Variants in TMEM131L observed in about 807,000 individuals in gnomAD.
TMEM131L encodes the protein transmembrane protein 131-like.
Under a neutral mutation model 192.2 loss-of-function variants are expected in TMEM131L, and 54 were observed. The ratio of observed to expected loss-of-function variants is 0.28; its 90% CI spans 0.23 to 0.35. The LOEUF (loss-of-function observed/expected upper bound fraction) is 0.35, where lower values mean the gene tolerates loss of function less well. TMEM131L is among the 10% of genes least tolerant of loss of function. TMEM131L has a pLI of 1.00. For missense variants in TMEM131L, 1,888 were observed against 1,972.9 expected (o/e 0.96, Z 0.82); for synonymous variants, 701 against 704.9 (o/e 0.99, Z 0.09).
intron 19 of TMEM131L, among the ~76,000 whole-genome samples, chr4:153,595,450 GAATCAAAT>G (rs3068903): frequency 0.27 from 41,198 of 151,668 alleles, 5,888 homozygotes; most frequent in Non-Finnish European, 0.34. Context: ...TAATAAAAAT[GAATCAAAT>G]AATCAAATAC....
intron 25 of TMEM131L, among the ~76,000 whole-genome samples, chr4:153,604,982 C>T (rs1035761579): frequency 2.6e-4 from 39 of 152,162 alleles, no homozygotes; most frequent in African/African-American, 8.2e-4. Flanking sequence ...GGATTATAGG[C>T]GTGAGCCACC....
chr4:153,629,483 C>T (rs540836985), intron 31 of TMEM131L, among the ~76,000 whole-genome samples: 1 of 152,310 alleles, frequency 6.6e-6, no homozygotes, highest in East Asian at 1.9e-4. Context: ...ATAATACTTC[C>T]CGTCATTAAA....
chr4:153,584,903 G>A lies in TMEM131L; in HGVS notation c.1129G>A (p.Ala377Thr). Residue 377 changes from alanine (A) to threonine (T), a missense_variant, in exon 12 of 35, where the codon GCA becomes ACA. Transcript: ENST00000409959. ...KKTTHTPTLK[A>T]CLFSSVAQGY... is the part of the protein sequence containing the mutation. ...AACAACACACACTCCAACACTAAAA[G>A]CATGCCTCTTCTCTTCTGTGGCTCA... is the stretch of plus-strand genomic sequence containing the variant. 5 of 1,613,898 alleles carry A rather than the reference G, an allele frequency of 3.1e-6. No individual in the cohort carries two copies. Among genetic ancestry groups the A allele is most frequent in the Non-Finnish European group, 4.2e-6 (5 of 1,179,802 alleles).
rs529621092 is a variant in TMEM131L at position 153,528,824 on chromosome 4, A to AG, written c.240-21248dup. Among the ~76,000 whole-genome samples the AG allele has an allele frequency of 1.5e-3, 235 of 152,294 alleles. 1 individual carries two copies. The highest frequency in any genetic ancestry group is 0.013 in the South Asian group (63 of 4,820). On this transcript the variant is annotated intron_variant, in intron 3 of 34. Coordinates refer to ENST00000409959, the MANE Select transcript of TMEM131L (RefSeq NM_001131007.2). ...CCCTCCCTCGGAGAGTGTGGGCCAC[A>AG]GATAGGGTAGACTTTGAAACTCAAG...
chr4:153,584,639 A>G (rs1578801225), intron 11 of TMEM131L, among the ~76,000 whole-genome samples, 196 bp from the exon 12 acceptor site: 1 of 152,358 alleles, frequency 6.6e-6, no homozygotes, highest in East Asian at 1.9e-4. Context: ...TTTTAAAAGT[A>G]TGGACTTCTG....
rs529512839 is a variant in TMEM131L, at chr4:153,524,442, G to A, written c.240-25631G>A. Among the ~76,000 whole-genome samples the A allele has an allele frequency of 1.2e-4, 18 of 152,334 alleles. 1 individual carries two copies. Among genetic ancestry groups the A allele is most frequent in the South Asian group, 8.3e-4 (4 of 4,830 alleles). On this transcript the variant is annotated intron_variant, in intron 3 of 34. Transcript: ENST00000409959. The stretch of plus-strand genomic sequence containing the variant: ...AATAGTTGCTAATATCAAGGACACA[G>A]ATATATGTTTTAATGACTGACATTG...
chr4:153,544,863 C>T (rs1350062623), intron 3 of TMEM131L, among the ~76,000 whole-genome samples: 1 of 152,180 alleles, frequency 6.6e-6, no homozygotes, highest in African/African-American at 2.4e-5. Context: ...GAGCTGACCA[C>T]CTGCCTCCGT....
chr4:153,511,165 T>A (rs1225864444), intron 3 of TMEM131L, among the ~76,000 whole-genome samples: 1 of 152,160 alleles, frequency 6.6e-6, no homozygotes, highest in African/African-American at 2.4e-5. Flanking sequence ...TGTTCTATCA[T>A]AAAGACACAT....
intron 15 of TMEM131L, 51 bp downstream of exon 15, chr4:153,587,862 G>A: frequency 1.6e-6 from 2 of 1,237,652 alleles, no homozygotes; most frequent in South Asian, 1.2e-5. Context: ...TGGGGGATGG[G>A]AAATAGTGAG....
At chr4:153,596,157 A>G (rs1157435629) in intron 19 of TMEM131L, 101 bp from the exon 20 acceptor site, 2 of 1,373,842 alleles carry the variant, frequency 1.5e-6, no homozygotes, top group Non-Finnish European at 2.0e-6. Flanking sequence ...AAATCTGGAC[A>G]TTAAAAGAGA....
At chr4:153,604,858 C>T (rs1190951636) in intron 25 of TMEM131L, among the ~76,000 whole-genome samples, 1 of 152,102 alleles carries the variant, frequency 6.6e-6, no homozygotes, top group Non-Finnish European at 1.5e-5. Flanking sequence ...GTGTGTGCCA[C>T]CACACCTGGC....
intron 7 of TMEM131L, among the ~76,000 whole-genome samples, chr4:153,566,488 A>G (rs921908042): frequency 6.7e-6 from 1 of 149,688 alleles, no homozygotes; most frequent in African/African-American, 2.5e-5. Context: ...CTGCCAAATA[A>G]AGGTAGTTTT....
chr4:153,625,952 A>G (rs1203593529), intron 29 of TMEM131L, among the ~76,000 whole-genome samples, 195 bp from the exon 30 acceptor site: 3 of 152,204 alleles, frequency 2.0e-5, no homozygotes, highest in Non-Finnish European at 2.9e-5. Flanking sequence ...GTAAAGAAAT[A>G]TACCTAAATG....
intron 7 of TMEM131L, among the ~76,000 whole-genome samples, chr4:153,572,658 C>G (rs1373251927): frequency 6.6e-6 from 1 of 152,130 alleles, no homozygotes. Flanking sequence ...ACCATTTCAG[C>G]TGTGTCTAGC....
At position 153,630,222 on chromosome 4, in the gene TMEM131L, A is replaced by G. The variant is rs574376715; in HGVS notation, c.4208-2496A>G. 2.0e-5 allele frequency among the ~76,000 whole-genome samples: 3 copies of G among 152,308 alleles called. No individual in the cohort carries two copies. The East Asian group carries it at 5.8e-4, about 29-fold the overall frequency. ...TACATCATTCCATAAGCAATTCTTA[A>G]TCAGACCTAGGGAAGGTGGAACCAA... On this transcript the variant is annotated intron_variant, in intron 31 of 34. Coordinates refer to ENST00000409959, the MANE Select transcript of TMEM131L (RefSeq NM_001131007.2).
Position 153,556,958 on chromosome 4 carries a change from T to C in TMEM131L, c.433-8T>C. On this transcript the variant is annotated splice_polypyrimidine_tract_variant and splice_region_variant and intron_variant, in intron 5 of 34. Transcript: ENST00000409959. ...TTCCAAGTGGCTGACTGGGGACCTT[T>C]CTTTCAGGTAATTCCAGCAATGGGG... 7.0e-7 allele frequency: 1 copy of C among 1,424,900 alleles called. No homozygotes were observed. Among genetic ancestry groups the C allele is most frequent in the East Asian group, 2.3e-5 (1 of 43,920 alleles). 88.3% of individuals were successfully genotyped at this position (1,424,900 alleles called of 1,614,324 possible).
intron 26 of TMEM131L, among the ~76,000 whole-genome samples, chr4:153,615,098 A>G (rs1489160276): frequency 6.6e-6 from 1 of 152,212 alleles, no homozygotes; most frequent in Admixed American, 6.5e-5. Flanking sequence ...CTGCATCATC[A>G]TGTATTCATT....
chr4:153,508,262 G>A lies in TMEM131L; in HGVS notation c.239+34374G>A, dbSNP rs927629659. 3.3e-5 allele frequency among the ~76,000 whole-genome samples: 5 copies of A among 152,304 alleles called. No individual in the cohort carries two copies. In the East Asian group the frequency reaches 9.6e-4, roughly 29 times the overall value. On this transcript the variant is annotated intron_variant, in intron 3 of 34. Coordinates refer to ENST00000409959, the MANE Select transcript of TMEM131L (RefSeq NM_001131007.2). ...TTTAATTTATACCCAACTCTATGTTGTGTTTACTGCATGCGTATAATATTT... is the reference window on the plus strand; with the variant it reads ...TTTAATTTATACCCAACTCTATGTTATGTTTACTGCATGCGTATAATATTT...
intron 7 of TMEM131L, among the ~76,000 whole-genome samples, chr4:153,574,789 T>C (rs1159465682): frequency 6.6e-6 from 1 of 152,208 alleles, no homozygotes; most frequent in African/African-American, 2.4e-5. Context: ...GGTTTCACCA[T>C]GTTGGACAGG....
Sources: allele counts gnomAD v4.1 joint callset (sites outside exome capture counted in the v4.1 genomes callset), GRCh38; gene constraint gnomAD v4.1.1; transcripts MANE v1.5; gene names NCBI Gene and HGNC (gene_info 2026-07-23, HGNC 2026-07-21).